The following FGF14 variants were observed in gnomAD, a reference collection of about 807,000 sequenced individuals.
FGF14 encodes the protein fibroblast growth factor homologous factor 4.
A neutral mutation model predicts 25.5 loss-of-function variants in FGF14; 5 were observed. The ratio of observed to expected loss-of-function variants is 0.20; its 90% CI spans 0.10 to 0.41. FGF14 has a LOEUF of 0.41. FGF14 is among the 10% of genes least tolerant of loss of function. The pLI is 1.00. For synonymous variants in FGF14, 138 were observed against 118.3 expected (o/e 1.17, Z -1.08); for missense variants, 222 against 320.1 (o/e 0.69, Z 2.34).
intron 1 of FGF14, among the ~76,000 whole-genome samples, chr13:102,344,125 T>A (rs1278811455): frequency 6.6e-6 from 1 of 152,226 alleles, no homozygotes; most frequent in East Asian, 1.9e-4. Flanking sequence ...ACTCAATCAC[T>A]TACGAAATGA....
chr13:102,039,345 G>A (rs574955292), intron 1 of FGF14, among the ~76,000 whole-genome samples: 3 of 152,266 alleles, frequency 2.0e-5, no homozygotes, highest in Admixed American at 2.0e-4. Context: ...CAGCTTCCGA[G>A]TGGGTCTCCT....
intron 3 of FGF14, among the ~76,000 whole-genome samples, chr13:101,859,789 A>C (rs1397907594): frequency 6.6e-6 from 1 of 152,106 alleles, no homozygotes; most frequent in Non-Finnish European, 1.5e-5. Flanking sequence ...GAGCACCTTG[A>C]TGTAACTGCT....
chr13:101,866,813 C>G (rs899250814), intron 3 of FGF14, among the ~76,000 whole-genome samples: 4 of 152,122 alleles, frequency 2.6e-5, no homozygotes, highest in Non-Finnish European at 5.9e-5. Flanking sequence ...AGTCCTCTTT[C>G]CAAAGATGGC....
intron 1 of FGF14, among the ~76,000 whole-genome samples, chr13:102,162,606 G>A (rs994137046): frequency 1.3e-5 from 2 of 152,200 alleles, no homozygotes; most frequent in East Asian, 1.9e-4. Flanking sequence ...CTAGGCAGAC[G>A]TCCTGATCTT....
intron 1 of FGF14, among the ~76,000 whole-genome samples, chr13:102,392,802 G>T (rs1327586954): frequency 6.6e-6 from 1 of 152,080 alleles, no homozygotes; most frequent in Non-Finnish European, 1.5e-5. Flanking sequence ...CCTTATTCTG[G>T]ACCGCTCACC....
chr13:102,051,150 C>T (rs762915409), intron 1 of FGF14, among the ~76,000 whole-genome samples: 11 of 152,198 alleles, frequency 7.2e-5, no homozygotes, highest in Non-Finnish European at 1.2e-4. Context: ...GAGGACTTAG[C>T]TCTGGGGCCC....
At chr13:101,813,010 C>A (rs960191328) in intron 3 of FGF14, among the ~76,000 whole-genome samples, 2 of 152,084 alleles carry the variant, frequency 1.3e-5, no homozygotes, top group African/African-American at 4.8e-5. Context: ...CAATCCTATA[C>A]TTTTGTGCAT....
chr13:102,247,235 G>A (rs2051921540), intron 1 of FGF14, among the ~76,000 whole-genome samples: 1 of 151,934 alleles, frequency 6.6e-6, no homozygotes, highest in Non-Finnish European at 1.5e-5. Context: ...CTTGACAAAC[G>A]GTATTTCATT....
chr13:101,852,469 C>T (rs2043903720), intron 3 of FGF14, among the ~76,000 whole-genome samples: 1 of 152,108 alleles, frequency 6.6e-6, no homozygotes, highest in African/African-American at 2.4e-5. Context: ...AAGTTACTTG[C>T]TGACAAAAGT....
chr13:102,204,731 G>A (rs1431744220), intron 1 of FGF14, among the ~76,000 whole-genome samples: 1 of 152,002 alleles, frequency 6.6e-6, no homozygotes, highest in Admixed American at 6.6e-5. Context: ...ATTATTAGTA[G>A]AGATGGGGTT....
At chr13:102,091,701 C>T (rs2044173776) in intron 1 of FGF14, among the ~76,000 whole-genome samples, 3 of 152,136 alleles carry the variant, frequency 2.0e-5, no homozygotes. Flanking sequence ...GACCTTCCCT[C>T]GAAGTTTTTT....
chr13:102,038,904 T>C (rs1226067215), intron 1 of FGF14, among the ~76,000 whole-genome samples: 5 of 152,210 alleles, frequency 3.3e-5, no homozygotes, highest in Non-Finnish European at 7.3e-5. Context: ...AAATACTATT[T>C]CTACTAGTAC....
chr13:102,280,135 T>C (rs2053755186), intron 1 of FGF14, among the ~76,000 whole-genome samples: 2 of 152,226 alleles, frequency 1.3e-5, no homozygotes, highest in Non-Finnish European at 2.9e-5. Context: ...TTCACTCAGT[T>C]CAAATAACAG....
Position 101,730,349 on chromosome 13 carries a change from G to A in FGF14, c.409-3539C>T, listed in dbSNP as rs544293221. Among the ~76,000 whole-genome samples the A allele has an allele frequency of 4.0e-4, 61 of 152,268 alleles. 1 individual carries two copies. The highest frequency in any genetic ancestry group is 6.8e-3 in the Middle Eastern group (2 of 294). Reference sequence around the variant, plus strand: ...ATAGTTAGTATTAATATTACAAATAGAGAACCAGAACACACAAAGTAAGGG... The same window carrying A: ...ATAGTTAGTATTAATATTACAAATAAAGAACCAGAACACACAAAGTAAGGG... On this transcript the variant is annotated intron_variant, in intron 3 of 4. Coordinates refer to ENST00000376143, the MANE Select transcript of FGF14 (RefSeq NM_004115.4).
chr13:102,188,682 G>A (rs1337253542), intron 1 of FGF14, among the ~76,000 whole-genome samples: 1 of 152,030 alleles, frequency 6.6e-6, no homozygotes, highest in African/African-American at 2.4e-5. Flanking sequence ...CTACACTCCT[G>A]GAATCCCAGC....
At chr13:101,727,812 CA>C (rs1421884384) in intron 3 of FGF14, among the ~76,000 whole-genome samples, 2 of 151,928 alleles carry the variant, frequency 1.3e-5, no homozygotes, top group African/African-American at 4.8e-5. Flanking sequence ...TAAATAGGTC[CA>C]ACACTGTGCT....
chr13:102,006,337 AC>A (rs1478746842), intron 1 of FGF14, among the ~76,000 whole-genome samples: 9 of 152,250 alleles, frequency 5.9e-5, no homozygotes, highest in African/African-American at 2.2e-4. Context: ...CTGATGAAGA[AC>A]AGCAGGTGTT....
chr13:102,009,262 C>T (rs1194207654), intron 1 of FGF14, among the ~76,000 whole-genome samples: 2 of 152,010 alleles, frequency 1.3e-5, no homozygotes, highest in Non-Finnish European at 2.9e-5. Context: ...AACTTCTTTC[C>T]ATGTGAACAG....
intron 1 of FGF14, among the ~76,000 whole-genome samples, chr13:101,945,506 T>C (rs1158666955): frequency 6.6e-6 from 1 of 152,172 alleles, no homozygotes; most frequent in Non-Finnish European, 1.5e-5. Context: ...GGGGGAGACC[T>C]CTATCTTGGC....
Sources: gnomAD v4.1 joint callset for allele counts (sites outside exome capture counted in the v4.1 genomes callset) on GRCh38, gnomAD v4.1.1 for gene constraint, MANE v1.5 for transcripts, NCBI Gene and HGNC (gene_info 2026-07-23, HGNC 2026-07-21) for gene names.